CASR: variants seen among roughly 807,000 people sequenced by gnomAD.
The protein encoded by CASR is extracellular calcium-sensing receptor.
CASR carries 23 observed loss-of-function variants against 69.1 expected under a neutral mutation model. The ratio of observed to expected loss-of-function variants is 0.33; its 90% CI spans 0.24 to 0.47. CASR has a LOEUF of 0.47. Among genes scored for constraint, CASR ranks in the 20% least tolerant of loss-of-function variants. The pLI is 1.00. For missense variants in CASR, 924 were observed against 1,356.1 expected (o/e 0.68, Z 5.00); for synonymous variants, 541 against 544.7 (o/e 0.99, Z 0.10).
rs2107633228 is a variant in CASR at position 122,262,328 on chromosome 3, G to A, written c.1293G>A (p.Leu431=). 6.2e-7 allele frequency: 1 copy of A among 1,614,026 alleles called. No individual in the cohort carries two copies. The highest frequency in any genetic ancestry group is 2.2e-5 in the East Asian group (1 of 44,874). Reference sequence around the variant, plus strand: ...CAGTCTACTCCATTGCCCACGCCTTGCAAGATATATATACCTGCTTACCTG... The same window carrying A: ...CAGTCTACTCCATTGCCCACGCCTTACAAGATATATATACCTGCTTACCTG... The part of the protein sequence containing the change: ...YLAVYSIAHA[L]QDIYTCLPGR... Residue 431 remains leucine (L), a synonymous_variant, in exon 4 of 7, where the codon TTG becomes TTA. Transcript: ENST00000639785.
intron 4 of CASR, among the ~76,000 whole-genome samples, chr3:122,267,626 T>C (rs2074709631): frequency 1.3e-5 from 2 of 152,200 alleles, no homozygotes; most frequent in African/African-American, 4.8e-5. Context: ...AGATCAGTGG[T>C]GGCCTAAGGC....
At chr3:122,186,162 T>C (rs2073781430) in intron 1 of CASR, among the ~76,000 whole-genome samples, 1 of 152,222 alleles carries the variant, frequency 6.6e-6, no homozygotes, top group Admixed American at 6.5e-5. Flanking sequence ...TTAGGAGCTG[T>C]GTCCATTGTT....
In CASR at chr3:122,281,926, A is replaced by G. The variant is rs1045106462; in HGVS notation, c.1609-187A>G. Among the ~76,000 whole-genome samples, 3 of 152,160 alleles carry G rather than the reference A, an allele frequency of 2.0e-5. No individual in the cohort carries two copies. The East Asian group carries it at 5.8e-4, about 29-fold the overall frequency. On this transcript the variant is annotated intron_variant, in intron 5 of 6. Coordinates refer to ENST00000639785, the MANE Select transcript of CASR (RefSeq NM_000388.4). Reference sequence around the variant, plus strand: ...TATACACACACACTTTCCCATAGTCATCTGTCCCTTTCACAGATATCAGAA... The same window carrying G: ...TATACACACACACTTTCCCATAGTCGTCTGTCCCTTTCACAGATATCAGAA...
chr3:122,280,042 A>T (rs1407353240), intron 5 of CASR, among the ~76,000 whole-genome samples: 1 of 151,918 alleles, frequency 6.6e-6, no homozygotes, highest in African/African-American at 2.4e-5. Context: ...AAGTGGGAAC[A>T]TGGGGTGTTT....
intron 1 of CASR, among the ~76,000 whole-genome samples, chr3:122,230,509 T>A (rs1195069030): frequency 6.6e-6 from 1 of 152,182 alleles, no homozygotes; most frequent in Non-Finnish European, 1.5e-5. Context: ...CCTGAGGGGC[T>A]TCCCCTCTCT....
intron 1 of CASR, among the ~76,000 whole-genome samples, chr3:122,197,911 C>G (rs2073905663): frequency 6.6e-6 from 1 of 152,178 alleles, no homozygotes; most frequent in South Asian, 2.1e-4. Context: ...TTGACTGTTT[C>G]AACTGCTAGT....
At chr3:122,247,325 AC>A (rs112219974) in intron 1 of CASR, 157 of 152,334 alleles carry the variant, frequency 1.0e-3, no homozygotes, top group African/African-American at 3.4e-3. Context: ...ACATCTTGGG[AC>A]ATCATACTGA....
chr3:122,185,284 G>A (rs2073767043), intron 1 of CASR, among the ~76,000 whole-genome samples: 1 of 152,076 alleles, frequency 6.6e-6, no homozygotes, highest in South Asian at 2.1e-4. Flanking sequence ...TACGTGTTCT[G>A]TCGCCGTCTT....
At chr3:122,275,776 C>T in intron 4 of CASR, 36 bp from the exon 5 acceptor site, 1 of 1,391,376 alleles carries the variant, frequency 7.2e-7, no homozygotes, top group South Asian at 1.2e-5. Flanking sequence ...TATGTGGCAG[C>T]CCTGGGGCTT....
chr3:122,285,708 G>T lies in CASR; in HGVS notation c.*517G>T. 1 of 175,504 alleles carries T rather than the reference G, an allele frequency of 5.7e-6. No homozygotes were observed. 10.9% of individuals were successfully genotyped at this position (175,504 alleles called of 1,614,324 possible). On this transcript the variant is annotated 3_prime_UTR_variant, in exon 7 of 7. Transcript: ENST00000639785. ...CCATATGATATTTTGTCTCCTACCT[G>T]CTGCTGCTATTATGTAACATCCAGA...
At chr3:122,231,162 C>T (rs2074274668) in intron 1 of CASR, among the ~76,000 whole-genome samples, 3 of 152,200 alleles carry the variant, frequency 2.0e-5, no homozygotes, top group Admixed American at 6.5e-5. Flanking sequence ...ATCCACCATG[C>T]AGACAGGATG....
chr3:122,257,790 C>T (rs1479775965), intron 3 of CASR, among the ~76,000 whole-genome samples: 5 of 152,186 alleles, frequency 3.3e-5, no homozygotes, highest in Non-Finnish European at 7.3e-5. Flanking sequence ...TGAAAAGTCT[C>T]GCTGCTCCAC....
chr3:122,227,102 A>G (rs1312406649), intron 1 of CASR, among the ~76,000 whole-genome samples: 6 of 152,248 alleles, frequency 3.9e-5, no homozygotes, highest in Non-Finnish European at 8.8e-5. Context: ...CCTTAGCTAG[A>G]CACAAAGGTT....
At position 122,204,460 on chromosome 3, in the gene CASR, T is replaced by G. The variant is rs184629635; in HGVS notation, c.-243+20648T>G. On this transcript the variant is annotated intron_variant, in intron 1 of 6. Coordinates refer to ENST00000639785, the MANE Select transcript of CASR (RefSeq NM_000388.4). ...ATTCCATTGCGGACAGGCCCCATATTTTCTTAATTTATTCATCCGTTGATG... is the reference window on the plus strand; with the variant it reads ...ATTCCATTGCGGACAGGCCCCATATGTTCTTAATTTATTCATCCGTTGATG... 6.6e-5 allele frequency among the ~76,000 whole-genome samples: 10 copies of G among 152,326 alleles called. No individual in the cohort carries two copies. In the East Asian group the frequency reaches 1.9e-3, roughly 29 times the overall value.
chr3:122,202,961 C>T (rs1487532705), intron 1 of CASR, among the ~76,000 whole-genome samples: 5 of 152,154 alleles, frequency 3.3e-5, no homozygotes, highest in South Asian at 2.1e-4. Context: ...ATCAAGGTCC[C>T]GGGTATGCAT....
At chr3:122,203,756 G>A (rs1449732443) in intron 1 of CASR, among the ~76,000 whole-genome samples, 1 of 152,146 alleles carries the variant, frequency 6.6e-6, no homozygotes, top group Non-Finnish European at 1.5e-5. Flanking sequence ...TAAAAATAAA[G>A]TAATTGTACT....
intron 1 of CASR, among the ~76,000 whole-genome samples, chr3:122,210,252 A>T (rs1486437626): frequency 6.6e-6 from 1 of 152,212 alleles, no homozygotes; most frequent in African/African-American, 2.4e-5. Context: ...ATCAGGCAAG[A>T]GAAAGAAATA....
chr3:122,256,556 T>G (rs1227200061), intron 2 of CASR, among the ~76,000 whole-genome samples: 3 of 152,222 alleles, frequency 2.0e-5, no homozygotes, highest in African/African-American at 7.2e-5. Context: ...TTTGCATAAT[T>G]AGCTCATGTC....
At chr3:122,201,837 C>A (rs111322266) in intron 1 of CASR, among the ~76,000 whole-genome samples, 1 of 151,722 alleles carries the variant, frequency 6.6e-6, no homozygotes, top group Non-Finnish European at 1.5e-5. Context: ...CGGGCAGAGA[C>A]GCTCCTCACT....
Sources: allele counts gnomAD v4.1 joint callset (sites outside exome capture counted in the v4.1 genomes callset), GRCh38; gene constraint gnomAD v4.1.1; transcripts MANE v1.5; gene names NCBI Gene and HGNC (gene_info 2026-07-23, HGNC 2026-07-21).